The following LHFPL6 variants were observed in gnomAD, a reference collection of about 807,000 sequenced individuals.
LHFPL6 encodes the protein LHFPL tetraspan subfamily member 6.
LHFPL6 carries 9 observed loss-of-function variants against 20.6 expected under a neutral mutation model. The ratio of observed to expected loss-of-function variants is 0.44; its 90% confidence interval spans 0.26 to 0.76. The LOEUF (loss-of-function observed/expected upper bound fraction) is 0.76. Among genes scored for constraint, LHFPL6 ranks in the 30% least tolerant of loss-of-function variants. The probability of loss-of-function intolerance (pLI) is 0.20; values close to 1 mark genes in which losing one functional copy is unlikely to be tolerated. For synonymous variants in LHFPL6, 105 were observed against 98.7 expected, an observed-to-expected ratio of 1.06 and a Z score of -0.38; for missense variants, 218 against 253.5, an observed-to-expected ratio of 0.86 and a Z score of 0.95.
chr13:39,378,571 A>G (rs1160587697), intron 2 of LHFPL6, 45 bp from the exon 3 acceptor site: 2 of 1,412,038 alleles, frequency 1.4e-6, no homozygotes, highest in South Asian at 1.2e-5. Flanking sequence ...GCTTCTCTGC[A>G]TCACTAGATA....
chr13:39,535,875 T>C (rs1031989273), intron 2 of LHFPL6, among the ~76,000 whole-genome samples: 1 of 152,188 alleles, frequency 6.6e-6, no homozygotes, highest in Non-Finnish European at 1.5e-5. Context: ...TAAATGAGCA[T>C]GGGGTCTGGC....
At chr13:39,382,762 T>G (rs756767964) in intron 2 of LHFPL6, among the ~76,000 whole-genome samples, 71 of 152,316 alleles carry the variant, frequency 4.7e-4, no homozygotes, top group Non-Finnish European at 1.3e-4. Context: ...GGTACATGTA[T>G]GAATTTTAAA....
intron 2 of LHFPL6, among the ~76,000 whole-genome samples, chr13:39,547,524 G>T (rs9548805): frequency 0.36 from 54,376 of 151,864 alleles, 10,712 homozygotes; most frequent in South Asian, 0.45. Context: ...TTAAATTCAT[G>T]ATTATTATTC....
chr13:39,574,270 C>A (rs1872032722), intron 2 of LHFPL6, among the ~76,000 whole-genome samples: 1 of 151,936 alleles, frequency 6.6e-6, no homozygotes, highest in Non-Finnish European at 1.5e-5. Flanking sequence ...ATCACAAGGT[C>A]AGGAGAACAA....
At chr13:39,378,300 ACACGTGACTACT>A in intron 3 of LHFPL6, 116 bp downstream of exon 3, 1 of 655,316 alleles carries the variant, frequency 1.5e-6, no homozygotes, top group South Asian at 1.8e-5. Flanking sequence ...TTATATTGTT[ACACGTGACTACT>A]GGCTGTAATA....
At chr13:39,558,333 G>A (rs767271029) in intron 2 of LHFPL6, among the ~76,000 whole-genome samples, 7 of 152,098 alleles carry the variant, frequency 4.6e-5, no homozygotes, top group Non-Finnish European at 1.0e-4. Context: ...GATTGAATGA[G>A]ATAACATACA....
intron 3 of LHFPL6, among the ~76,000 whole-genome samples, chr13:39,358,016 A>G (rs1469830530): frequency 1.3e-5 from 2 of 152,156 alleles, no homozygotes; most frequent in Admixed American, 6.5e-5. Flanking sequence ...TCAACTACTA[A>G]CATCATTGTT....
chr13:39,490,540 G>T (rs538327688), intron 2 of LHFPL6, among the ~76,000 whole-genome samples: 302 of 152,300 alleles, frequency 2.0e-3, no homozygotes, highest in Admixed American at 3.0e-3. Context: ...ATGCAGGTTT[G>T]CTGGAGTCTT....
intron 2 of LHFPL6, among the ~76,000 whole-genome samples, chr13:39,476,300 G>A (rs1350399344): frequency 6.6e-6 from 1 of 152,178 alleles, no homozygotes; most frequent in Admixed American, 6.5e-5. Context: ...AAAGCGCTGG[G>A]ATTACAGGCA....
chr13:39,410,726 C>G (rs894410948), intron 2 of LHFPL6, among the ~76,000 whole-genome samples: 1 of 152,124 alleles, frequency 6.6e-6, no homozygotes, highest in Non-Finnish European at 1.5e-5. Flanking sequence ...CAGAGGACAC[C>G]CCCACTGAGA....
At chr13:39,567,092 T>C (rs899462583) in intron 2 of LHFPL6, among the ~76,000 whole-genome samples, 1 of 151,856 alleles carries the variant, frequency 6.6e-6, no homozygotes, top group Non-Finnish European at 1.5e-5. Context: ...TTACAATTAT[T>C]GAAAAGGTTT....
Position 39,582,705 on chromosome 13 carries a change from C to T in LHFPL6, c.385+18127G>A, listed in dbSNP as rs566701900. ...GACAGACGATGACCTTGTTCCATAGCTTACCCAATATGTGTATCTTACAGG... is the reference window on the plus strand; with the variant it reads ...GACAGACGATGACCTTGTTCCATAGTTTACCCAATATGTGTATCTTACAGG... On this transcript the variant is annotated intron_variant, in intron 2 of 3. Transcript: ENST00000379589. Among the ~76,000 whole-genome samples the T allele has an allele frequency of 2.6e-5, 4 of 152,286 alleles. No homozygotes were observed. In the East Asian group the frequency reaches 7.7e-4, roughly 29 times the overall value.
chr13:39,562,647 TAC>T (rs1871570929), intron 2 of LHFPL6, among the ~76,000 whole-genome samples: 1 of 135,442 alleles, frequency 7.4e-6, no homozygotes, highest in African/African-American at 2.6e-5. Context: ...TACACATATA[TAC>T]ACACATATAC....
At chr13:39,446,538 G>A in intron 2 of LHFPL6, among the ~76,000 whole-genome samples, 1 of 151,868 alleles carries the variant, frequency 6.6e-6, no homozygotes, top group Non-Finnish European at 1.5e-5. Context: ...TGAGAGAACT[G>A]GGCCAGGGTA....
intron 2 of LHFPL6, among the ~76,000 whole-genome samples, chr13:39,524,500 G>C (rs960715034): frequency 2.6e-5 from 4 of 152,306 alleles, no homozygotes; most frequent in East Asian, 1.9e-4. Context: ...TGGCTCAAAG[G>C]CTCACTGAAA....
At chr13:39,541,397 C>G (rs1870793829) in intron 2 of LHFPL6, among the ~76,000 whole-genome samples, 1 of 152,230 alleles carries the variant, frequency 6.6e-6, no homozygotes, top group Non-Finnish European at 1.5e-5. Flanking sequence ...AAGCTCTCCA[C>G]AGGCCCTCCC....
rs368330891 is a variant in LHFPL6 at position 39,546,573 on chromosome 13, A to G, written c.385+54259T>C. 9.2e-5 allele frequency among the ~76,000 whole-genome samples: 14 copies of G among 152,214 alleles called. No homozygotes were observed. The East Asian group carries it at 2.1e-3, about 23-fold the overall frequency. On this transcript the variant is annotated intron_variant, in intron 2 of 3. Coordinates refer to ENST00000379589, the MANE Select transcript of LHFPL6 (RefSeq NM_005780.3). ...GATAAACCAGCCATCTGGGTTTTAC[A>G]ACCCTCCAGCTGGGTTTTACAACTG...
At chr13:39,600,457 C>G (rs1405889266) in intron 2 of LHFPL6, among the ~76,000 whole-genome samples, 1 of 152,150 alleles carries the variant, frequency 6.6e-6, no homozygotes, top group Non-Finnish European at 1.5e-5. Flanking sequence ...AAATCTTTAC[C>G]TTTAAAGACC....
At chr13:39,484,989 G>A (rs1393324492) in intron 2 of LHFPL6, among the ~76,000 whole-genome samples, 1 of 152,246 alleles carries the variant, frequency 6.6e-6, no homozygotes, top group East Asian at 1.9e-4. Flanking sequence ...TGCCTGAACA[G>A]GGCAGTTTTC....
Sources: gnomAD v4.1 joint callset for allele counts (sites outside exome capture counted in the v4.1 genomes callset) on GRCh38, gnomAD v4.1.1 for gene constraint, MANE v1.5 for transcripts, NCBI Gene and HGNC (gene_info 2026-07-23, HGNC 2026-07-21) for gene names.